The following GREM2 variants were observed in gnomAD, a reference collection of about 807,000 sequenced individuals.
GREM2 encodes gremlin 2, DAN family BMP antagonist.
In GREM2, 11 loss-of-function variants were observed where a neutral mutation model predicts 14.2. The observed-to-expected ratio is 0.78, with a 90% CI of 0.49 to 1.28. The LOEUF (loss-of-function observed/expected upper bound fraction) is 1.28, where lower values mean the gene tolerates loss of function less well. GREM2 is among the 50% of genes most tolerant of loss of function. GREM2 has a pLI of 0.00. For synonymous variants in GREM2, 98 were observed against 97.6 expected, an observed-to-expected ratio of 1.00 and a Z score of -0.02; for missense variants, 210 against 218.5, an observed-to-expected ratio of 0.96 and a Z score of 0.24.
At chr1:240,606,783 AT>A (rs1333157412) in intron 1 of GREM2, among the ~76,000 whole-genome samples, 1 of 149,790 alleles carries the variant, frequency 6.7e-6, no homozygotes, top group Non-Finnish European at 1.5e-5. Context: ...GGTTCAAGCC[AT>A]TCTCCTGCCA....
At chr1:240,549,466 AC>A (rs930404004) in intron 1 of GREM2, among the ~76,000 whole-genome samples, 2 of 152,292 alleles carry the variant, frequency 1.3e-5, no homozygotes, top group Admixed American at 6.5e-5. Flanking sequence ...AAGGAAAGGG[AC>A]TTTTTGTTTT....
chr1:240,548,058 T>G (rs1172367517), intron 1 of GREM2, among the ~76,000 whole-genome samples: 1 of 151,072 alleles, frequency 6.6e-6, no homozygotes, highest in Admixed American at 6.6e-5. Flanking sequence ...GCTCAGGAGT[T>G]CGAGACCAAC....
rs1338408665 is a variant in GREM2, at chr1:240,543,491, A to G, written c.-1-50015T>C. ...GAGACTTATTCACTACCATGATAAC[A>G]GTAGGGGGGAAACCGCCCTTGTGAT... On this transcript the variant is annotated intron_variant, in intron 1 of 1. Transcript: ENST00000318160. This position sits in a 1 kb window ranked among gnomAD's most constrained non-coding sequence, Gnocchi z 6.4. 6.6e-6 allele frequency among the ~76,000 whole-genome samples: 1 copy of G among 152,168 alleles called. No individual in the cohort carries two copies. Among genetic ancestry groups the G allele is most frequent in the East Asian group, 1.9e-4 (1 of 5,174 alleles).
chr1:240,585,374 T>C (rs1210297826), intron 1 of GREM2, among the ~76,000 whole-genome samples: 1 of 152,060 alleles, frequency 6.6e-6, no homozygotes, highest in Admixed American at 6.6e-5. Context: ...TTAAATAGAT[T>C]AAATACCCTA....
intron 1 of GREM2, among the ~76,000 whole-genome samples, chr1:240,530,040 T>C (rs1390669755): frequency 2.0e-5 from 3 of 152,240 alleles, no homozygotes; most frequent in South Asian, 4.1e-4. Context: ...CAGATACTCA[T>C]TGACCATTTG....
chr1:240,497,371 G>T (rs1436784411), intron 1 of GREM2, among the ~76,000 whole-genome samples: 9 of 152,104 alleles, frequency 5.9e-5, no homozygotes, highest in Non-Finnish European at 1.2e-4. Flanking sequence ...AGTAGTGTTG[G>T]GGTGGGGTTT....
At chr1:240,561,007 C>T (rs1325251821) in intron 1 of GREM2, among the ~76,000 whole-genome samples, 2 of 152,060 alleles carry the variant, frequency 1.3e-5, no homozygotes, top group African/African-American at 4.8e-5. Context: ...TTCTGGCCAA[C>T]TATTTAAGAA....
At chr1:240,535,098 T>G (rs1678447137) in intron 1 of GREM2, among the ~76,000 whole-genome samples, 1 of 152,188 alleles carries the variant, frequency 6.6e-6, no homozygotes, top group Non-Finnish European at 1.5e-5. Context: ...GTCTATAACA[T>G]AGAGCTATTA....
At chr1:240,583,274 T>A in intron 1 of GREM2, among the ~76,000 whole-genome samples, 1 of 152,140 alleles carries the variant, frequency 6.6e-6, no homozygotes, top group East Asian at 1.9e-4. Context: ...GGCAAAAAAA[T>A]GCTCAGCCCA....
chr1:240,597,645 T>G (rs1259761826), intron 1 of GREM2, among the ~76,000 whole-genome samples: 1 of 152,228 alleles, frequency 6.6e-6, no homozygotes, highest in African/African-American at 2.4e-5. Context: ...TGCTTTTTTA[T>G]ATTCCCAATG....
intron 1 of GREM2, among the ~76,000 whole-genome samples, chr1:240,555,988 C>T (rs1678947436): frequency 6.6e-6 from 1 of 152,134 alleles, no homozygotes; most frequent in African/African-American, 2.4e-5. Flanking sequence ...TTTCCAACAC[C>T]TCTTTACAGG....
rs1455939031 is a variant in GREM2 at position 240,540,275 on chromosome 1, T to A, written c.-1-46799A>T. Among the ~76,000 whole-genome samples the A allele has an allele frequency of 6.6e-6, 1 of 152,168 alleles. No homozygotes were observed. Among genetic ancestry groups the A allele is most frequent in the Non-Finnish European group, 1.5e-5 (1 of 68,042 alleles). On this transcript the variant is annotated intron_variant, in intron 1 of 1. Transcript: ENST00000318160. The surrounding 1 kb of genome is among the most constrained non-coding windows in gnomAD (Gnocchi z 4.2). ...CTAGCTTTCTACTAATTGCCCTAAT[T>A]TTCTTTGTCTAGACTAACTTATTGC...
intron 1 of GREM2, among the ~76,000 whole-genome samples, chr1:240,605,347 C>T (rs1033275148): frequency 1.3e-5 from 2 of 152,132 alleles, no homozygotes; most frequent in African/African-American, 2.4e-5. Flanking sequence ...CATGGTGGCA[C>T]ATGCCTCTAG....
intron 1 of GREM2, among the ~76,000 whole-genome samples, chr1:240,528,863 A>T (rs1487347723): frequency 6.6e-6 from 1 of 152,146 alleles, no homozygotes; most frequent in African/African-American, 2.4e-5. Flanking sequence ...CCAAAGCCAC[A>T]TCAAGGAGAC....
At chr1:240,574,252 T>C (rs1306666329) in intron 1 of GREM2, among the ~76,000 whole-genome samples, 1 of 152,100 alleles carries the variant, frequency 6.6e-6, no homozygotes, top group Non-Finnish European at 1.5e-5. Context: ...TTCTGTTGTA[T>C]AGAATTCAAT....
At chr1:240,585,547 C>A (rs79153578) in intron 1 of GREM2, among the ~76,000 whole-genome samples, 1 of 151,538 alleles carries the variant, frequency 6.6e-6, no homozygotes. Context: ...TTGGCCAACA[C>A]GGTGAAACCC....
In GREM2 at chr1:240,490,077, A is replaced by C. The variant is rs1677212474; in HGVS notation, c.*2892T>G. 6.6e-6 allele frequency: 1 copy of C among 152,252 alleles called. No homozygotes were observed. The allele number at this position is 152,252 out of a possible 1,614,324, so 9.4% of individuals were successfully genotyped here. A position where few individuals can be genotyped will look rare whatever the true frequency, so the allele number is the denominator to read the frequency against. On this transcript the variant is annotated 3_prime_UTR_variant, in exon 2 of 2. Transcript: ENST00000318160. Reference sequence around the variant, plus strand: ...AAATATTTAAATTAAGAAATGTTGGAACTCATGAGGAGTAAATGTGAAAAT... The same window carrying C: ...AAATATTTAAATTAAGAAATGTTGGCACTCATGAGGAGTAAATGTGAAAAT...
At chr1:240,588,016 G>A (rs6680270) in intron 1 of GREM2, among the ~76,000 whole-genome samples, 26,402 of 152,090 alleles carry the variant, frequency 0.17, 2,530 homozygotes, top group South Asian at 0.33. Flanking sequence ...TGGAACCCAC[G>A]GTGCCTGCAG....
At chr1:240,497,651 GTT>G (rs71498915) in intron 1 of GREM2, among the ~76,000 whole-genome samples, 1 of 140,956 alleles carries the variant, frequency 7.1e-6, no homozygotes, top group South Asian at 2.3e-4. Context: ...GAAAAAAAAA[GTT>G]TTTTTTTTTT....
Sources: allele counts gnomAD v4.1 joint callset (sites outside exome capture counted in the v4.1 genomes callset), GRCh38; gene constraint gnomAD v4.1.1; non-coding constraint Gnocchi (gnomAD v3.1); transcripts MANE v1.5; gene names NCBI Gene and HGNC (gene_info 2026-07-23, HGNC 2026-07-21).